The following AVPR1B variants were observed in gnomAD, a reference collection of about 807,000 sequenced individuals.
The protein encoded by AVPR1B is arginine vasopressin receptor 1B, also known as vasopressin V1b receptor.
Under a neutral mutation model 27.5 loss-of-function variants are expected in AVPR1B, and 25 were observed. The observed-to-expected ratio is 0.91, with a 90% CI of 0.66 to 1.27. The LOEUF is 1.27. AVPR1B is among the 50% of genes most tolerant of loss of function. The pLI is 0.00. For missense variants in AVPR1B, 595 were observed against 556.9 expected, an observed-to-expected ratio of 1.07 and a Z score of -0.69; for synonymous variants, 248 against 240.2, an observed-to-expected ratio of 1.03 and a Z score of -0.30.
intron 1 of AVPR1B, 89 bp downstream of exon 1, chr1:206,115,862 G>T: frequency 7.5e-7 from 1 of 1,326,850 alleles, no homozygotes; most frequent in Non-Finnish European, 1.0e-6. Flanking sequence ...CACCTGCCTG[G>T]CCCTGGGAGG....
rs782175560 is a variant in AVPR1B at position 206,110,389 on chromosome 1, G to T, written c.1075C>A (p.Pro359Thr). 1.2e-6 allele frequency: 2 copies of T among 1,612,314 alleles called. No individual in the cohort carries two copies. The highest frequency in any genetic ancestry group is 1.1e-5 in the South Asian group (1 of 90,910). Reference sequence around the variant, plus strand: ...AGCCGCCGGCGCATCCTGGGCTGGGGACCCCCACAGCAGGCAAGGTGACGC... The same window carrying T: ...AGCCGCCGGCGCATCCTGGGCTGGGTACCCCCACAGCAGGCAAGGTGACGC... ...PLRHLACCGG[P>T]QPRMRRRLSD... Residue 359 changes from proline (P) to threonine (T), a missense_variant, in exon 2 of 2, where the codon CCC (proline) becomes ACC (threonine). By Grantham distance (38) the Pro-to-Thr change is conservative. Transcript: ENST00000367126.
Position 206,116,693 on chromosome 1 carries a change from G to T in AVPR1B, c.198C>A (p.Arg66=). The T allele has an allele frequency of 6.2e-7, 1 of 1,608,624 alleles. No homozygotes were observed. Among genetic ancestry groups the T allele is most frequent in the Non-Finnish European group, 8.5e-7 (1 of 1,176,964 alleles). The part of the protein sequence containing the change: ...LLTLGQLGRK[R]SRMHLFVLHL... ...GCAGCACGAACAGGTGCATGCGGGA[G>T]CGCTTGCGGCCCAGCTGGCCCAGGG... The change falls in exon 1 of 2, where the codon CGC becomes CGA. Residue 66 remains arginine (R), a synonymous_variant. Transcript: ENST00000367126.
intron 1 of AVPR1B, 67 bp from the exon 2 acceptor site, chr1:206,110,590 C>A: frequency 2.2e-6 from 3 of 1,357,568 alleles, no homozygotes; most frequent in Non-Finnish European, 3.0e-6. Context: ...AGCGTCCAGG[C>A]CCCACAGATG....
intron 1 of AVPR1B, among the ~76,000 whole-genome samples, chr1:206,111,757 G>T (rs1266130427): frequency 2.6e-5 from 4 of 152,224 alleles, no homozygotes; most frequent in African/African-American, 9.6e-5. Flanking sequence ...CAAGAGAAGG[G>T]AAGACATAGG....
At chr1:206,112,742 G>A (rs1016689896) in intron 1 of AVPR1B, among the ~76,000 whole-genome samples, 2 of 152,140 alleles carry the variant, frequency 1.3e-5, no homozygotes, top group African/African-American at 4.8e-5. Flanking sequence ...CCCTGCCTCA[G>A]CCTCGCAAAG....
In AVPR1B at chr1:206,107,009, C is replaced by T. The variant is rs1553289109; in HGVS notation, c.*3180G>A. Among the ~76,000 whole-genome samples, 1 of 152,216 alleles carries T rather than the reference C, an allele frequency of 6.6e-6. No individual in the cohort carries two copies. Among genetic ancestry groups the T allele is most frequent in the Non-Finnish European group, 1.5e-5 (1 of 68,040 alleles). On this transcript the variant is annotated 3_prime_UTR_variant, in exon 2 of 2. Coordinates refer to ENST00000367126, the MANE Select transcript of AVPR1B (RefSeq NM_000707.5). ...TGACCCAGGAATGAACTGCTACAGC[C>T]TGGGCTGAATCTATAGCCCTGTAGT... is the stretch of plus-strand genomic sequence containing the variant.
rs1028173250 is a variant in AVPR1B, at chr1:206,109,694, C to A, written c.*495G>T. On this transcript the variant is annotated 3_prime_UTR_variant, in exon 2 of 2. Transcript: ENST00000367126. ...TCACTTTTCTTCATGAAGCAATTTT[C>A]TCTCTAACAACAACAACAACAACAA... 9.9e-5 allele frequency: 15 copies of A among 152,032 alleles called. No individual in the cohort carries two copies. Among genetic ancestry groups the A allele is most frequent in the African/African-American group, 3.8e-4 (14 of 37,042 alleles). The allele number at this position is 152,032 out of a possible 1,614,324, so 9.4% of individuals were successfully genotyped here.
Position 206,116,852 on chromosome 1 carries a change from A to G in AVPR1B, c.39T>C (p.Pro13=). 1.2e-6 allele frequency: 2 copies of G among 1,613,472 alleles called. No homozygotes were observed. Among genetic ancestry groups the G allele is most frequent in the South Asian group, 2.2e-5 (2 of 91,024 alleles). ...SGPLWDANPT[P]RGTLSAPNAT... is the part of the protein sequence containing the mutation. The stretch of plus-strand genomic sequence containing the variant: ...CATTGGGGGCAGAGAGGGTGCCCCG[A>G]GGGGTGGGGTTGGCATCCCACAGAG... The change falls in exon 1 of 2, where the codon CCT becomes CCC. Residue 13 remains proline, a synonymous_variant. Transcript: ENST00000367126.
chr1:206,109,364 G>A lies in AVPR1B; in HGVS notation c.*825C>T, dbSNP rs1663331493. On this transcript the variant is annotated 3_prime_UTR_variant, in exon 2 of 2. Coordinates refer to ENST00000367126, the MANE Select transcript of AVPR1B (RefSeq NM_000707.5). Reference sequence around the variant, plus strand: ...CTGGGGGGTGGGTTGGGGAAAGGAGGGAGGGCCACAAGTCCCTGCTGCCCT... The same window carrying A: ...CTGGGGGGTGGGTTGGGGAAAGGAGAGAGGGCCACAAGTCCCTGCTGCCCT... Among the ~76,000 whole-genome samples the A allele has an allele frequency of 6.6e-6, 1 of 152,106 alleles. No individual in the cohort carries two copies. The highest frequency in any genetic ancestry group is 2.4e-5 in the African/African-American group (1 of 41,400).
chr1:206,111,907 A>AT (rs1380428167), intron 1 of AVPR1B, among the ~76,000 whole-genome samples: 1 of 152,208 alleles, frequency 6.6e-6, no homozygotes, highest in Admixed American at 6.5e-5. Context: ...TATGGTTTGG[A>AT]TGTCGGCTGG....
chr1:206,112,266 T>C (rs1663394140), intron 1 of AVPR1B, among the ~76,000 whole-genome samples: 1 of 152,038 alleles, frequency 6.6e-6, no homozygotes, highest in Non-Finnish European at 1.5e-5. Flanking sequence ...CATGTTGAAA[T>C]GTAGCCCGCA....
chr1:206,114,399 G>A (rs1553290225), intron 1 of AVPR1B, among the ~76,000 whole-genome samples: 1 of 152,182 alleles, frequency 6.6e-6, no homozygotes, highest in Non-Finnish European at 1.5e-5. Flanking sequence ...TAGCCACCCA[G>A]ACAGGTCAGC....
chr1:206,116,216 C>T lies in AVPR1B; in HGVS notation c.675G>A (p.Glu225=). 1 of 1,589,474 alleles carries T rather than the reference C, an allele frequency of 6.3e-7. No homozygotes were observed. Among genetic ancestry groups the T allele is most frequent in the Non-Finnish European group, 8.6e-7 (1 of 1,165,330 alleles). ...LTACYSLICH[E]ICKNLKVKTQ... is the part of the protein sequence containing the mutation. ...TCTTGACTTTTAGGTTTTTACAGAT[C>T]TCATGGCAGATGAGGCTGTAGCAGG... The change falls in exon 1 of 2, where the codon GAG becomes GAA. Residue 225 remains glutamate, a synonymous_variant. Transcript: ENST00000367126.
At chr1:206,113,672 G>A (rs536510171) in intron 1 of AVPR1B, among the ~76,000 whole-genome samples, 3 of 152,340 alleles carry the variant, frequency 2.0e-5, no homozygotes, top group African/African-American at 7.2e-5. Context: ...AGAGGCAGAT[G>A]ACCATCTCAC....
rs554894167 is a variant in AVPR1B, at chr1:206,116,748, G to A, written c.143C>T (p.Ala48Val). 11 of 1,611,602 alleles carry A rather than the reference G, an allele frequency of 6.8e-6. No homozygotes were observed. The Admixed American group carries it at 1.2e-4, about 17-fold the overall frequency. Residue 48 changes from alanine (A) to valine (V), a missense_variant, in exon 1 of 2, where the codon GCG (alanine) becomes GTG (valine). Coordinates refer to ENST00000367126, the MANE Select transcript of AVPR1B (RefSeq NM_000707.5). ...CAGCACAGCCAGGTTGCCCCCGGTC[G>A]CCAGCACCAGGACAGTGGCCAGGAC... Reference protein sequence around the residue: ...IGVLATVLVLATGGNLAVLLT... With the variant: ...IGVLATVLVLVTGGNLAVLLT...
rs782274377 is a variant in AVPR1B, at chr1:206,110,169, C to G, written c.*20G>C. The G allele has an allele frequency of 4.4e-6, 7 of 1,591,498 alleles. No individual in the cohort carries two copies. The highest frequency in any genetic ancestry group is 3.3e-4 in the Middle Eastern group (2 of 5,980). On this transcript the variant is annotated 3_prime_UTR_variant, in exon 2 of 2. Coordinates refer to ENST00000367126, the MANE Select transcript of AVPR1B (RefSeq NM_000707.5). ...CCTCCACTAGTCCTGGGGGCAGTAC[C>G]AGACCCCAGCGAGTCTTTCCTAAAA...
rs1034286780 is a variant in AVPR1B at position 206,108,296 on chromosome 1, T to C, written c.*1893A>G. On this transcript the variant is annotated 3_prime_UTR_variant, in exon 2 of 2. Coordinates refer to ENST00000367126, the MANE Select transcript of AVPR1B (RefSeq NM_000707.5). ...TCAGTGAGAGGGAGACTGTGGGTCCTCCCATCTGCCTGAGCCTTGGTCCCA... is the reference window on the plus strand; with the variant it reads ...TCAGTGAGAGGGAGACTGTGGGTCCCCCCATCTGCCTGAGCCTTGGTCCCA... 2.0e-5 allele frequency among the ~76,000 whole-genome samples: 3 copies of C among 152,190 alleles called. No homozygotes were observed. The highest frequency in any genetic ancestry group is 4.4e-5 in the Non-Finnish European group (3 of 68,026).
In AVPR1B at chr1:206,116,783, C is replaced by T. The variant is rs1474345806; in HGVS notation, c.108G>A (p.Val36=). The change falls in exon 1 of 2, where the codon GTG becomes GTA. Residue 36 remains valine, a synonymous_variant. Coordinates refer to ENST00000367126, the MANE Select transcript of AVPR1B (RefSeq NM_000707.5). ...GGACAGTGGCCAGGACTCCGATCTC[C>T]ACCTTGGCCAGCTCCTCATCCCGGC... ...WLGRDEELAK[V]EIGVLATVLV... 6.2e-7 allele frequency: 1 copy of T among 1,614,012 alleles called. No individual in the cohort carries two copies. Among genetic ancestry groups the T allele is most frequent in the Admixed American group, 1.7e-5 (1 of 60,008 alleles).
In AVPR1B at chr1:206,109,425, A is replaced by G. The variant is rs1454441721; in HGVS notation, c.*764T>C. 1.3e-5 allele frequency among the ~76,000 whole-genome samples: 2 copies of G among 151,898 alleles called. No homozygotes were observed. The highest frequency in any genetic ancestry group is 6.6e-5 in the Admixed American group (1 of 15,262). ...TCTTGCTGTTAATTTTATGATGACC[A>G]TTTTCATCTTCTCCTTCCCTCCCTC... is the stretch of plus-strand genomic sequence containing the variant. On this transcript the variant is annotated 3_prime_UTR_variant, in exon 2 of 2. Coordinates refer to ENST00000367126, the MANE Select transcript of AVPR1B (RefSeq NM_000707.5).
Sources: allele counts gnomAD v4.1 joint callset (sites outside exome capture counted in the v4.1 genomes callset), GRCh38; gene constraint gnomAD v4.1.1; transcripts MANE v1.5; gene names NCBI Gene and HGNC (gene_info 2026-07-23, HGNC 2026-07-21).